IPO5: variants seen among roughly 807,000 people sequenced by gnomAD.
IPO5 encodes the protein importin 5, also known as importin-5.
IPO5 carries 18 observed loss-of-function variants against 143.3 expected under a neutral mutation model. The ratio of observed to expected loss-of-function variants is 0.13; its 90% confidence interval spans 0.09 to 0.19. The LOEUF is 0.19. IPO5 is among the 10% of genes least tolerant of loss of function. The pLI is 1.00. For synonymous variants in IPO5, 477 were observed against 465.7 expected, an observed-to-expected ratio of 1.02 and a Z score of -0.31; for missense variants, 1,013 against 1,336.9, an observed-to-expected ratio of 0.76 and a Z score of 3.78.
chr13:98,000,032 CTT>C (rs1385451307), intron 12 of IPO5, among the ~76,000 whole-genome samples: 2 of 152,206 alleles, frequency 1.3e-5, no homozygotes, highest in Non-Finnish European at 2.9e-5. Context: ...CGCCTGTAAT[CTT>C]AGCATTTTGG....
chr13:97,957,169 C>T (rs1338920709), intron 2 of IPO5, among the ~76,000 whole-genome samples: 2 of 151,764 alleles, frequency 1.3e-5, no homozygotes, highest in Admixed American at 1.3e-4. Context: ...GTCTTTTGAC[C>T]TCTTAATATT....
intron 4 of IPO5, among the ~76,000 whole-genome samples, chr13:97,977,332 C>G (rs1025086635): frequency 4.6e-5 from 7 of 152,170 alleles, no homozygotes; most frequent in African/African-American, 1.2e-4. Flanking sequence ...CCATTTAGTT[C>G]TTTCTCATTC....
rs985453969 is a variant in IPO5 at position 97,975,871 on chromosome 13, T to A, written c.-4-822T>A. 7.1e-6 allele frequency: 7 copies of A among 979,862 alleles called. No homozygotes were observed. In the African/African-American group the frequency reaches 1.2e-4, roughly 17 times the overall value. 60.7% of individuals were successfully genotyped at this position (979,862 alleles called of 1,614,324 possible). ...CCTGGCGGGACAGCCCCGGGCTGAG[T>A]AACCCCTCTTCCGGGCAAGCCCCAG... On this transcript the variant is annotated intron_variant, in intron 3 of 28. Coordinates refer to ENST00000651721, the MANE Select transcript of IPO5 (RefSeq NM_002271.6).
intron 3 of IPO5, among the ~76,000 whole-genome samples, chr13:97,971,578 G>A (rs1885827398): frequency 6.6e-6 from 1 of 152,096 alleles, no homozygotes; most frequent in African/African-American, 2.4e-5. Flanking sequence ...GAGACTAATA[G>A]AAAATACGCA....
Position 98,023,098 on chromosome 13 carries a change from A to AAAAAT in IPO5, c.*1279_*1280insATAAA, listed in dbSNP as rs1890589017. 6.5e-6 allele frequency: 1 copy of AAAAAT among 152,688 alleles called. No homozygotes were observed. The highest frequency in any genetic ancestry group is 2.4e-5 in the African/African-American group (1 of 41,476). The allele number at this position is 152,688 out of a possible 1,614,324, so 9.5% of individuals were successfully genotyped here. ...TTTAAATGATTTGTATTACTTTATT[A>AAAAAT]AAACTAAATCTGAAATGGAATAGAA... On this transcript the variant is annotated 3_prime_UTR_variant, in exon 29 of 29. Coordinates refer to ENST00000651721, the MANE Select transcript of IPO5 (RefSeq NM_002271.6).
intron 2 of IPO5, among the ~76,000 whole-genome samples, chr13:97,966,229 T>C (rs1024801044): frequency 3.3e-5 from 5 of 151,396 alleles, no homozygotes; most frequent in Admixed American, 6.6e-5. Context: ...GGAGAAAACA[T>C]CCAATTTTTC....
chr13:98,010,884 G>C (rs772512912), intron 20 of IPO5, among the ~76,000 whole-genome samples: 53 of 144,558 alleles, frequency 3.7e-4, no homozygotes, highest in Non-Finnish European at 6.3e-4. Context: ...GCGTTCAGTT[G>C]ATTCTCCTGC....
intron 2 of IPO5, among the ~76,000 whole-genome samples, chr13:97,958,726 C>T (rs1027004572): frequency 6.6e-6 from 1 of 151,834 alleles, no homozygotes; most frequent in Non-Finnish European, 1.5e-5. Flanking sequence ...GACCACACAA[C>T]AGTGAACACT....
chr13:97,958,530 A>G (rs913608134), intron 2 of IPO5, among the ~76,000 whole-genome samples: 6 of 152,008 alleles, frequency 3.9e-5, no homozygotes, highest in African/African-American at 1.4e-4. Flanking sequence ...GTGTTACCCC[A>G]TTGCAGGGTC....
rs760201112 is a variant in IPO5 at position 98,008,152 on chromosome 13, C to T, written c.1800+10C>T. 4 of 1,549,044 alleles carry T rather than the reference C, an allele frequency of 2.6e-6. No individual in the cohort carries two copies. The South Asian group carries it at 3.3e-5, about 13-fold the overall frequency. On this transcript the variant is annotated intron_variant, in intron 18 of 28. Transcript: ENST00000651721. ...AGATGATGATCCTCAGGTAAGTGGT[C>T]TTAATGCATTTGCTTTGATCCGCTA...
At chr13:98,016,684 A>G (rs1280657520) in intron 24 of IPO5, 45 bp from the exon 25 acceptor site, 3 of 1,037,962 alleles carry the variant, frequency 2.9e-6, no homozygotes, top group Non-Finnish European at 4.0e-6. Flanking sequence ...AATAGAAAAT[A>G]TACTTTTTAA....
intron 3 of IPO5, 167 bp downstream of exon 3, chr13:97,969,997 C>T: frequency 1.7e-6 from 1 of 591,730 alleles, no homozygotes; most frequent in Non-Finnish European, 3.0e-6. Flanking sequence ...TCACACCCAG[C>T]CAAAAGTCAC....
chr13:97,957,205 T>C (rs1213498701), intron 2 of IPO5, among the ~76,000 whole-genome samples: 1 of 152,118 alleles, frequency 6.6e-6, no homozygotes, highest in African/African-American at 2.4e-5. Flanking sequence ...CTTTTTTTTT[T>C]TCTATTTTTT....
At chr13:98,010,821 C>T (rs182123156) in intron 20 of IPO5, among the ~76,000 whole-genome samples, 18 of 86,592 alleles carry the variant, frequency 2.1e-4, no homozygotes, top group African/African-American at 1.1e-3. Flanking sequence ...CTCTTTTTCA[C>T]CCAGGCTGGA....
At chr13:98,019,838 C>A (rs778506710) in intron 27 of IPO5, 29 bp downstream of exon 27, 4 of 1,461,056 alleles carry the variant, frequency 2.7e-6, no homozygotes, top group Non-Finnish European at 1.9e-6. Context: ...ACCTTATTTC[C>A]TTCTCCTCCA....
At chr13:97,972,247 C>T (rs1885884766) in intron 3 of IPO5, among the ~76,000 whole-genome samples, 1 of 152,186 alleles carries the variant, frequency 6.6e-6, no homozygotes, top group African/African-American at 2.4e-5. Flanking sequence ...CCAGAAAGGG[C>T]AGACAAAACC....
rs748296554 is a variant in IPO5, at chr13:98,002,675, A to G, written c.1234-9A>G. 6.2e-7 allele frequency: 1 copy of G among 1,607,432 alleles called. No homozygotes were observed. The highest frequency in any genetic ancestry group is 1.7e-5 in the Admixed American group (1 of 59,100). ...CTTGCTTTTACTAATGAAAGGGAACATTTTCCAGCATCCAAGAGTAAGGTA... is the reference window on the plus strand; with the variant it reads ...CTTGCTTTTACTAATGAAAGGGAACGTTTTCCAGCATCCAAGAGTAAGGTA... On this transcript the variant is annotated splice_polypyrimidine_tract_variant and intron_variant, in intron 14 of 28. Coordinates refer to ENST00000651721, the MANE Select transcript of IPO5 (RefSeq NM_002271.6).
intron 2 of IPO5, among the ~76,000 whole-genome samples, chr13:97,962,420 A>G (rs1441565197): frequency 6.6e-6 from 1 of 152,220 alleles, no homozygotes; most frequent in Non-Finnish European, 1.5e-5. Flanking sequence ...GTCCAGCTTC[A>G]TTCTAACGCA....
intron 6 of IPO5, chr13:97,988,154 A>C (rs78422955): frequency 0.014 from 2,301 of 160,480 alleles, 71 homozygotes; most frequent in African/African-American, 0.052. Context: ...GAGTCTTATA[A>C]GTGGCACAGT....
Sources: allele counts gnomAD v4.1 joint callset (sites outside exome capture counted in the v4.1 genomes callset), GRCh38; gene constraint gnomAD v4.1.1; transcripts MANE v1.5; gene names NCBI Gene and HGNC (gene_info 2026-07-23, HGNC 2026-07-21).